SEMA3D: variants seen among roughly 807,000 people sequenced by gnomAD.
The protein encoded by SEMA3D is semaphorin 3D, also known as semaphorin-3D.
In SEMA3D, 84 loss-of-function variants were observed where a neutral mutation model predicts 100.1. The observed-to-expected ratio is 0.84, with a 90% CI of 0.70 to 1.01. SEMA3D has a LOEUF of 1.01. Among genes scored for constraint, SEMA3D ranks in the 50% least tolerant of loss-of-function variants. The probability of loss-of-function intolerance (pLI) is 0.00; values close to 1 mark genes in which losing one functional copy is unlikely to be tolerated. For synonymous variants in SEMA3D, 312 were observed against 320.7 expected, an observed-to-expected ratio of 0.97 and a Z score of 0.29; for missense variants, 875 against 934.1, an observed-to-expected ratio of 0.94 and a Z score of 0.82.
intron 1 of SEMA3D, among the ~76,000 whole-genome samples, chr7:85,167,609 A>T (rs1043440844): frequency 6.6e-6 from 1 of 152,004 alleles, no homozygotes; most frequent in South Asian, 2.1e-4. Context: ...AGGCCAATAT[A>T]TTTAAGAAGG....
intron 9 of SEMA3D, among the ~76,000 whole-genome samples, chr7:85,048,615 G>A (rs1431299143): frequency 1.3e-5 from 2 of 151,814 alleles, no homozygotes; most frequent in Admixed American, 1.3e-4. Flanking sequence ...AACAAACTTT[G>A]TTGAACTACC....
chr7:85,004,320 C>T (rs182523924), intron 18 of SEMA3D, among the ~76,000 whole-genome samples: 1 of 151,880 alleles, frequency 6.6e-6, no homozygotes, highest in Non-Finnish European at 1.5e-5. Flanking sequence ...ATAAAAAGAA[C>T]AAAAATAAAA....
In SEMA3D at chr7:85,097,831, C is replaced by A; in HGVS notation, c.286G>T (p.Val96Phe). Reference sequence around the variant, plus strand: ...TTCTTAAAATTTTTGTTTAAGTCAACCAGACTGAGTAGAAAGATGTGGTCT... The same window carrying A: ...TTCTTAAAATTTTTGTTTAAGTCAAACAGACTGAGTAGAAAGATGTGGTCT... ...AKDHIFLLSLVDLNKNFKKIY... is the reference protein window; with the variant it reads ...AKDHIFLLSLFDLNKNFKKIY... Residue 96 changes from valine to phenylalanine, a missense_variant, in exon 4 of 19, where the codon GTT becomes TTT. Val to Phe is a conservative substitution (Grantham distance 50, BLOSUM62 -1). Coordinates refer to ENST00000284136, the MANE Select transcript of SEMA3D (RefSeq NM_001384900.1). 6.2e-7 allele frequency: 1 copy of A among 1,604,388 alleles called. No homozygotes were observed. The highest frequency in any genetic ancestry group is 2.2e-5 in the East Asian group (1 of 44,718).
the SEMA3D span, among the ~76,000 whole-genome samples, chr7:85,228,020 A>C: frequency 6.6e-6 from 1 of 152,174 alleles, no homozygotes; most frequent in African/African-American, 2.4e-5. Flanking sequence ...AGAGACTAAG[A>C]AAATCTTAGT....
At chr7:85,023,522 T>C (rs1467699019) in intron 12 of SEMA3D, among the ~76,000 whole-genome samples, 1 of 151,892 alleles carries the variant, frequency 6.6e-6, no homozygotes, top group Non-Finnish European at 1.5e-5. Flanking sequence ...AGGAAAACTT[T>C]AGTCAATTGA....
intron 3 of SEMA3D, among the ~76,000 whole-genome samples, chr7:85,106,998 T>G (rs1297468250): frequency 2.0e-5 from 3 of 152,084 alleles, no homozygotes; most frequent in African/African-American, 7.2e-5. Context: ...AGTCACACCA[T>G]ATCACCATTT....
intron 4 of SEMA3D, 34 bp downstream of exon 4, chr7:85,097,771 G>T (rs199502687): frequency 8.0e-5 from 105 of 1,313,286 alleles, no homozygotes; most frequent in Non-Finnish European, 1.1e-4. Context: ...GAAAATAAAT[G>T]AATTTAACCA....
chr7:85,045,510 T>C (rs1337044074), intron 9 of SEMA3D, among the ~76,000 whole-genome samples: 1 of 151,980 alleles, frequency 6.6e-6, no homozygotes, highest in East Asian at 1.9e-4. Context: ...GCCTTTATTA[T>C]GAGTATCATT....
At chr7:85,061,293 G>A (rs1359616708) in intron 8 of SEMA3D, among the ~76,000 whole-genome samples, 1 of 152,024 alleles carries the variant, frequency 6.6e-6, no homozygotes, top group African/African-American at 2.4e-5. Context: ...AGTCTAAACT[G>A]GATTAAACAG....
At chr7:85,084,040 G>A (rs369204383) in intron 4 of SEMA3D, among the ~76,000 whole-genome samples, 2 of 151,132 alleles carry the variant, frequency 1.3e-5, no homozygotes, top group South Asian at 2.1e-4. Flanking sequence ...CCAGCTACTT[G>A]GGAGGCTGAG....
chr7:85,205,535 T>C, the SEMA3D span, among the ~76,000 whole-genome samples: 1 of 152,088 alleles, frequency 6.6e-6, no homozygotes. Flanking sequence ...TGTGTTCCTT[T>C]CCCTTGACAT....
At chr7:85,211,220 A>G in the SEMA3D span, among the ~76,000 whole-genome samples, 1 of 152,068 alleles carries the variant, frequency 6.6e-6, no homozygotes, top group African/African-American at 2.4e-5. Context: ...AAGTAGATGT[A>G]AATATAAAGA....
intron 1 of SEMA3D, among the ~76,000 whole-genome samples, chr7:85,178,262 A>T (rs1791295190): frequency 6.6e-6 from 1 of 152,206 alleles, no homozygotes; most frequent in Non-Finnish European, 1.5e-5. Flanking sequence ...TGCTGTAAAG[A>T]TACCTGAAAA....
At chr7:85,227,789 A>T in the SEMA3D span, among the ~76,000 whole-genome samples, 1 of 152,062 alleles carries the variant, frequency 6.6e-6, no homozygotes, top group East Asian at 1.9e-4. Context: ...TTTTGAAGAA[A>T]TTTTCTAAGT....
In SEMA3D at chr7:85,104,901, C is replaced by A. The variant is rs1436856178; in HGVS notation, c.152-6936G>T. Reference sequence around the variant, plus strand: ...ATCAGCTTTGGAGAAGCTTAACTTCCAATGTATTCCAATCTAGGGAGTAAA... The same window carrying A: ...ATCAGCTTTGGAGAAGCTTAACTTCAAATGTATTCCAATCTAGGGAGTAAA... On this transcript the variant is annotated intron_variant, in intron 3 of 18. Transcript: ENST00000284136. Among the ~76,000 whole-genome samples the A allele has an allele frequency of 2.0e-5, 3 of 151,940 alleles. No individual in the cohort carries two copies. In the East Asian group the frequency reaches 5.8e-4, roughly 29 times the overall value.
chr7:85,192,513 C>T, the SEMA3D span, among the ~76,000 whole-genome samples: 190 of 152,064 alleles, frequency 1.2e-3, no homozygotes, highest in African/African-American at 3.8e-3. Flanking sequence ...AAGTTACTAC[C>T]GAACTAGACC....
rs17159607 is a variant in SEMA3D at position 85,077,309 on chromosome 7, G to C, written c.375+4208C>G. 6.4e-3 allele frequency among the ~76,000 whole-genome samples: 973 copies of C among 151,990 alleles called. 9 individuals carry two copies. Among genetic ancestry groups the C allele is most frequent in the African/African-American group, 0.022 (930 of 41,480 alleles). ...ATAGAAATGACTATTTAAATAAAGT[G>C]TATACATCAAATAAGGTAACTGATA... is the stretch of plus-strand genomic sequence containing the variant. On this transcript the variant is annotated intron_variant, in intron 5 of 18. Coordinates refer to ENST00000284136, the MANE Select transcript of SEMA3D (RefSeq NM_001384900.1).
intron 1 of SEMA3D, among the ~76,000 whole-genome samples, chr7:85,161,742 A>G (rs950958953): frequency 1.3e-5 from 2 of 152,184 alleles, no homozygotes; most frequent in African/African-American, 4.8e-5. Flanking sequence ...TACCCATTAT[A>G]GGAAGAAACT....
At chr7:85,088,735 G>A (rs1788295306) in intron 4 of SEMA3D, among the ~76,000 whole-genome samples, 1 of 152,010 alleles carries the variant, frequency 6.6e-6, no homozygotes, top group Non-Finnish European at 1.5e-5. Context: ...TTTTTGTTTT[G>A]TTTTGTTTTG....
Sources: allele counts gnomAD v4.1 joint callset (sites outside exome capture counted in the v4.1 genomes callset), GRCh38; gene constraint gnomAD v4.1.1; transcripts MANE v1.5; gene names NCBI Gene and HGNC (gene_info 2026-07-23, HGNC 2026-07-21).